Variants in EFR3A observed in about 807,000 individuals in gnomAD.
EFR3A encodes the protein EFR3 homolog A.
In EFR3A, 76 loss-of-function variants were observed where a neutral mutation model predicts 104.4. That is an observed-to-expected ratio of 0.73 (90% CI 0.60 to 0.88). The LOEUF (loss-of-function observed/expected upper bound fraction) is 0.88. Ranked by LOEUF, EFR3A falls within the 40% of genes least tolerant of loss-of-function variation. EFR3A has a pLI of 0.00. For missense variants in EFR3A, 985 were observed against 1,012.5 expected, an observed-to-expected ratio of 0.97 and a Z score of 0.37; for synonymous variants, 330 against 330.0, an observed-to-expected ratio of 1.00 and a Z score of 0.00.
intron 14 of EFR3A, 46 bp downstream of exon 14, chr8:131,979,467 C>G (rs200345868): frequency 1.6e-5 from 21 of 1,320,364 alleles, no homozygotes; most frequent in Non-Finnish European, 2.1e-5. Flanking sequence ...AAATTACAGC[C>G]GTTTGAATTG....
At chr8:131,931,961 T>TATAA (rs1331141579) in intron 1 of EFR3A, among the ~76,000 whole-genome samples, 5 of 152,050 alleles carry the variant, frequency 3.3e-5, no homozygotes, top group Non-Finnish European at 7.4e-5. Context: ...ATGGTCAAAG[T>TATAA]TTATGCCACT....
intron 1 of EFR3A, among the ~76,000 whole-genome samples, chr8:131,915,235 T>C (rs944863255): frequency 9.8e-5 from 15 of 152,292 alleles, no homozygotes; most frequent in Middle Eastern, 3.4e-3. Context: ...ATTTAAGCTG[T>C]TTTATAATCA....
At chr8:131,929,195 A>G (rs1035230091) in intron 1 of EFR3A, among the ~76,000 whole-genome samples, 2 of 152,172 alleles carry the variant, frequency 1.3e-5, no homozygotes, top group Non-Finnish European at 2.9e-5. Flanking sequence ...CCCAGAGTGT[A>G]TCCTCTTGTG....
Position 131,940,516 on chromosome 8 carries a change from T to G in EFR3A, c.28T>G (p.Ser10Ala). 1 of 1,605,756 alleles carries G rather than the reference T, an allele frequency of 6.2e-7. No individual in the cohort carries two copies. The highest frequency in any genetic ancestry group is 1.1e-5 in the South Asian group (1 of 89,554). Residue 10 changes from serine to alanine, a missense_variant, in exon 2 of 23, where the codon TCC becomes GCC. Coordinates refer to ENST00000254624, the MANE Select transcript of EFR3A (RefSeq NM_015137.6). MPTRVCCCC[S>A]ALRPRYKRLV... The stretch of plus-strand genomic sequence containing the variant: ...TTTAACAGGAGTATGCTGCTGCTGT[T>G]CCGCTTTGCGTCCTCGCTACAAACG...
chr8:131,988,884 C>T (rs1821026880), intron 18 of EFR3A, among the ~76,000 whole-genome samples: 1 of 152,004 alleles, frequency 6.6e-6, no homozygotes, highest in Non-Finnish European at 1.5e-5. Context: ...CCTTTATCTT[C>T]CTTATAGCCC....
In EFR3A at chr8:131,978,928, A is replaced by G. The variant is rs1410070350; in HGVS notation, c.1408A>G (p.Met470Val). The change falls in exon 13 of 23, where the codon ATG becomes GTG. Residue 470 changes from methionine to valine, a missense_variant. Met to Val is a conservative substitution (Grantham distance 21, BLOSUM62 1). Transcript: ENST00000254624. Reference protein sequence around the residue: ...FLDPLLSPSLMEDYELRQLVL... With the variant: ...FLDPLLSPSLVEDYELRQLVL... ...GGATCCTTTGTTATCACCATCTCTC[A>G]TGGAGGACTACGAACTGAGACAGTT... is the stretch of plus-strand genomic sequence containing the variant. The G allele has an allele frequency of 2.5e-6, 4 of 1,612,486 alleles. No individual in the cohort carries two copies. Among genetic ancestry groups the G allele is most frequent in the Non-Finnish European group, 3.4e-6 (4 of 1,178,792 alleles).
At chr8:132,002,930 A>G (rs118132451) in intron 21 of EFR3A, among the ~76,000 whole-genome samples, 6 of 152,288 alleles carry the variant, frequency 3.9e-5, no homozygotes, top group Non-Finnish European at 5.9e-5. Context: ...CAAATTAAGT[A>G]TTAGTGATTG....
At chr8:131,926,854 A>G (rs1817324791) in intron 1 of EFR3A, among the ~76,000 whole-genome samples, 1 of 152,086 alleles carries the variant, frequency 6.6e-6, no homozygotes, top group Non-Finnish European at 1.5e-5. Context: ...GTTAGTTTTC[A>G]TTTTTTATTA....
intron 8 of EFR3A, among the ~76,000 whole-genome samples, chr8:131,965,550 G>C (rs1819657887): frequency 6.6e-6 from 1 of 152,170 alleles, no homozygotes; most frequent in African/African-American, 2.4e-5. Context: ...TCATTAAAAA[G>C]TCAGGAAACA....
rs1818830990 is a variant in EFR3A at position 131,953,813 on chromosome 8, T to TA, written c.489-4dup. The TA allele has an allele frequency of 3.4e-6, 5 of 1,491,348 alleles. No homozygotes were observed. In the African/African-American group the frequency reaches 5.8e-5, roughly 17 times the overall value. The allele number at this position is 1,491,348 out of a possible 1,614,324, so 92.4% of individuals were successfully genotyped here. Reference sequence around the variant, plus strand: ...CATTTTCTTCCTTTTTTTTTTTTTTTATAGGATACGAATTGCTGGAATTAG... The same window carrying TA: ...CATTTTCTTCCTTTTTTTTTTTTTTTAATAGGATACGAATTGCTGGAATTAG... On this transcript the variant is annotated splice_polypyrimidine_tract_variant and splice_region_variant and intron_variant, in intron 5 of 22. Coordinates refer to ENST00000254624, the MANE Select transcript of EFR3A (RefSeq NM_015137.6).
Position 131,950,065 on chromosome 8 carries a change from C to T in EFR3A, c.463C>T (p.His155Tyr). The change falls in exon 5 of 23, where the codon CAT becomes TAT. Residue 155 changes from histidine (H) to tyrosine (Y), a missense_variant. By Grantham distance (83) the His-to-Tyr change is moderately conservative. Coordinates refer to ENST00000254624, the MANE Select transcript of EFR3A (RefSeq NM_015137.6). ...ATTCAGTGCCATGTGCCATTCCTGT[C>T]ATAGTGATCCAGAAATACGAACAGA... The part of the protein sequence containing the change: ...SRFSAMCHSC[H>Y]SDPEIRTEIR... 2 of 1,609,564 alleles carry T rather than the reference C, an allele frequency of 1.2e-6. No individual in the cohort carries two copies. The highest frequency in any genetic ancestry group is 1.7e-6 in the Non-Finnish European group (2 of 1,177,616).
At chr8:131,955,350 AATT>A (rs1818922993) in intron 6 of EFR3A, among the ~76,000 whole-genome samples, 1 of 152,082 alleles carries the variant, frequency 6.6e-6, no homozygotes, top group Admixed American at 6.6e-5. Flanking sequence ...TTAGCTTTTA[AATT>A]TTATTTTTTA....
At chr8:131,950,314 T>C (rs920397358) in intron 5 of EFR3A, among the ~76,000 whole-genome samples, 2 of 152,180 alleles carry the variant, frequency 1.3e-5, no homozygotes, top group African/African-American at 2.4e-5. Context: ...CTTCATGCCC[T>C]GCTTACTCTG....
At chr8:131,926,644 G>C (rs1817313145) in intron 1 of EFR3A, among the ~76,000 whole-genome samples, 2 of 151,972 alleles carry the variant, frequency 1.3e-5, no homozygotes, top group Non-Finnish European at 2.9e-5. Flanking sequence ...TTTTGAGAAA[G>C]GATCTTGCTC....
At chr8:131,918,297 A>G (rs1816841099) in intron 1 of EFR3A, among the ~76,000 whole-genome samples, 1 of 152,174 alleles carries the variant, frequency 6.6e-6, no homozygotes. Flanking sequence ...AACAACAACA[A>G]CAACAACAAA....
In EFR3A at chr8:131,970,497, T is replaced by G; in HGVS notation, c.1013T>G (p.Phe338Cys). The change falls in exon 10 of 23, where the codon TTC becomes TGC. Residue 338 changes from phenylalanine (F) to cysteine (C), a missense_variant. Coordinates refer to ENST00000254624, the MANE Select transcript of EFR3A (RefSeq NM_015137.6). ...GSIGPTVLEV[F>C]NTLLKHLRLS... is the part of the protein sequence containing the mutation. ...ATAGGTCCGACAGTGCTGGAAGTCT[T>G]CAATACCCTTTTGAAACATCTGCGT... is the stretch of plus-strand genomic sequence containing the variant. 3.7e-6 allele frequency: 6 copies of G among 1,613,878 alleles called. No individual in the cohort carries two copies. Among genetic ancestry groups the G allele is most frequent in the Non-Finnish European group, 5.1e-6 (6 of 1,179,806 alleles).
At chr8:131,915,554 T>G (rs1227979176) in intron 1 of EFR3A, among the ~76,000 whole-genome samples, 2 of 152,186 alleles carry the variant, frequency 1.3e-5, no homozygotes, top group Non-Finnish European at 1.5e-5. Context: ...GGGTATAAAT[T>G]GCTATAACAC....
intron 3 of EFR3A, among the ~76,000 whole-genome samples, chr8:131,945,214 AAAC>A (rs985070045): frequency 6.6e-6 from 1 of 151,938 alleles, no homozygotes; most frequent in African/African-American, 2.4e-5. Flanking sequence ...TCTAAATTGA[AAAC>A]AAACAGAAAG....
chr8:131,959,944 T>C (rs1049835542), intron 8 of EFR3A, among the ~76,000 whole-genome samples: 2 of 152,186 alleles, frequency 1.3e-5, no homozygotes, highest in African/African-American at 2.4e-5. Flanking sequence ...CCCTGATTCA[T>C]TGAGGGTGTT....
Sources: gnomAD v4.1 joint callset for allele counts (sites outside exome capture counted in the v4.1 genomes callset) on GRCh38, gnomAD v4.1.1 for gene constraint, MANE v1.5 for transcripts, NCBI Gene and HGNC (gene_info 2026-07-23, HGNC 2026-07-21) for gene names.